The following CDC42SE2 variants were observed in gnomAD, a reference collection of about 807,000 sequenced individuals.
The protein encoded by CDC42SE2 is CDC42 small effector 2, also known as CDC42 small effector protein 2.
In CDC42SE2, 3 loss-of-function variants were observed where a neutral mutation model predicts 11.5. The ratio of observed to expected loss-of-function variants is 0.26; its 90% CI spans 0.12 to 0.67. The LOEUF is 0.67. CDC42SE2 is among the 30% of genes least tolerant of loss of function. CDC42SE2 has a pLI of 0.80. For missense variants in CDC42SE2, 82 were observed against 106.8 expected, an observed-to-expected ratio of 0.77 and a Z score of 1.02; for synonymous variants, 33 against 34.8, an observed-to-expected ratio of 0.95 and a Z score of 0.18.
chr5:131,375,922 A>G (rs1312506217), intron 3 of CDC42SE2, among the ~76,000 whole-genome samples: 1 of 152,116 alleles, frequency 6.6e-6, no homozygotes, highest in Non-Finnish European at 1.5e-5. Context: ...TAACATGAAT[A>G]TCCAGGACCT....
chr5:131,313,330 T>C (rs1194598283), intron 1 of CDC42SE2, among the ~76,000 whole-genome samples: 1 of 152,218 alleles, frequency 6.6e-6, no homozygotes, highest in Non-Finnish European at 1.5e-5. Context: ...CTGAGGCTTA[T>C]CTTTCATTCT....
chr5:131,308,627 G>C (rs1405146818), intron 1 of CDC42SE2, among the ~76,000 whole-genome samples: 1 of 150,740 alleles, frequency 6.6e-6, no homozygotes, highest in African/African-American at 2.4e-5. Flanking sequence ...TCCTTGAGCA[G>C]TGGTTTGTAG....
intron 1 of CDC42SE2, among the ~76,000 whole-genome samples, chr5:131,280,246 A>G (rs750091010): frequency 1.3e-5 from 2 of 152,204 alleles, no homozygotes; most frequent in South Asian, 4.1e-4. Flanking sequence ...ACTGTATTTA[A>G]TGTAGAACAT....
intron 1 of CDC42SE2, among the ~76,000 whole-genome samples, chr5:131,268,521 T>C (rs929268755): frequency 6.6e-6 from 1 of 151,070 alleles, no homozygotes; most frequent in Admixed American, 6.6e-5. Context: ...GGTACAATCT[T>C]GGCTCACTGC....
At chr5:131,333,565 C>G (rs1758475582) in intron 2 of CDC42SE2, among the ~76,000 whole-genome samples, 1 of 152,152 alleles carries the variant, frequency 6.6e-6, no homozygotes, top group African/African-American at 2.4e-5. Flanking sequence ...GGCAGTATGG[C>G]CATTTTCATG....
intron 2 of CDC42SE2, among the ~76,000 whole-genome samples, chr5:131,317,240 A>G (rs1017849511): frequency 3.9e-5 from 6 of 152,096 alleles, no homozygotes; most frequent in African/African-American, 1.4e-4. Flanking sequence ...ACTCCAGACA[A>G]TGTTGCCTTT....
At chr5:131,333,179 T>C (rs1474202754) in intron 2 of CDC42SE2, among the ~76,000 whole-genome samples, 2 of 152,228 alleles carry the variant, frequency 1.3e-5, no homozygotes, top group East Asian at 3.8e-4. Context: ...TTCAGCTTTC[T>C]ACGTATGGGT....
intron 2 of CDC42SE2, among the ~76,000 whole-genome samples, chr5:131,338,219 C>G (rs1411942147): frequency 1.3e-5 from 2 of 152,306 alleles, no homozygotes; most frequent in East Asian, 1.9e-4. Flanking sequence ...CAGTAGGCAC[C>G]TCTTGTTAAC....
chr5:131,291,599 A>G (rs1002896382), intron 1 of CDC42SE2, among the ~76,000 whole-genome samples: 9 of 152,154 alleles, frequency 5.9e-5, no homozygotes, highest in African/African-American at 2.2e-4. Flanking sequence ...AAATCTCCAA[A>G]TTATTGTTTT....
rs370423521 is a variant in CDC42SE2, at chr5:131,385,644, A to G, written c.156A>G (p.Ser52=). The change falls in exon 4 of 5, where the codon TCA becomes TCG. Residue 52 remains serine (S), a splice_region_variant and synonymous_variant. Transcript: ENST00000505065. ...GSGDLFSGMN[S]VSSIQNQMQS... Reference sequence around the variant, plus strand: ...GAGACCTGTTCAGTGGAATGAATTCAGTAAGTATGTTGGTGGGACATGCAG... The same window carrying G: ...GAGACCTGTTCAGTGGAATGAATTCGGTAAGTATGTTGGTGGGACATGCAG... The G allele has an allele frequency of 6.3e-7, 1 of 1,599,428 alleles. No homozygotes were observed. Among genetic ancestry groups the G allele is most frequent in the African/African-American group, 1.3e-5 (1 of 74,602 alleles).
At chr5:131,368,323 C>G (rs185438295) in intron 3 of CDC42SE2, among the ~76,000 whole-genome samples, 21 of 151,874 alleles carry the variant, frequency 1.4e-4, no homozygotes, top group African/African-American at 4.8e-4. Context: ...TCAGGCTTCC[C>G]TACATGCATG....
chr5:131,329,228 C>T (rs1003971996), intron 2 of CDC42SE2, among the ~76,000 whole-genome samples: 1 of 152,200 alleles, frequency 6.6e-6, no homozygotes, highest in Non-Finnish European at 1.5e-5. Flanking sequence ...TTTAGCATAT[C>T]TCTCTTTTAA....
chr5:131,355,229 C>T (rs1437920684), intron 2 of CDC42SE2, among the ~76,000 whole-genome samples: 1 of 152,036 alleles, frequency 6.6e-6, no homozygotes, highest in East Asian at 1.9e-4. Context: ...CATTTCAGAC[C>T]TGTGAAATGG....
intron 3 of CDC42SE2, among the ~76,000 whole-genome samples, chr5:131,378,614 G>A (rs555821921): frequency 6.6e-6 from 1 of 152,196 alleles, no homozygotes; most frequent in Non-Finnish European, 1.5e-5. Context: ...AAACAACTTA[G>A]TAAAGATTTA....
intron 1 of CDC42SE2, among the ~76,000 whole-genome samples, chr5:131,306,573 C>T (rs985274237): frequency 3.3e-5 from 5 of 151,996 alleles, no homozygotes; most frequent in East Asian, 1.9e-4. Flanking sequence ...GTCTGTTTGA[C>T]GTCTTTTGTG....
chr5:131,287,294 C>T (rs1757361612), intron 1 of CDC42SE2, among the ~76,000 whole-genome samples: 1 of 152,102 alleles, frequency 6.6e-6, no homozygotes, highest in Non-Finnish European at 1.5e-5. Flanking sequence ...CTCGCCCGGC[C>T]TTGGGTCAGC....
chr5:131,291,389 T>C (rs1304409176), intron 1 of CDC42SE2, among the ~76,000 whole-genome samples: 1 of 152,214 alleles, frequency 6.6e-6, no homozygotes, highest in Non-Finnish European at 1.5e-5. Context: ...GGCATTAATA[T>C]TGCTTTAGAA....
At position 131,286,021 on chromosome 5, in the gene CDC42SE2, CTG is replaced by C. The variant is rs150766299; in HGVS notation, c.-455+21857_-455+21858del. ...ACCTTGTTTGCATTTCCAATACTAA[CTG>C]TAAAGGAAAGTCTGGGAAATGTAGC... is the stretch of plus-strand genomic sequence containing the variant. On this transcript the variant is annotated intron_variant, in intron 1 of 4. Coordinates refer to ENST00000505065, the MANE Select transcript of CDC42SE2 (RefSeq NM_001375635.1). Among the ~76,000 whole-genome samples the C allele has an allele frequency of 2.1e-3, 311 of 150,820 alleles. 5 individuals are homozygous for C. In the East Asian group the frequency reaches 0.052, roughly 25 times the overall value.
the CDC42SE2 span, among the ~76,000 whole-genome samples, chr5:131,225,483 C>G: frequency 6.6e-6 from 1 of 152,166 alleles, no homozygotes; most frequent in African/African-American, 2.4e-5. Context: ...AATTACAAGG[C>G]AATTTGAATT....
Sources: allele counts gnomAD v4.1 joint callset (sites outside exome capture counted in the v4.1 genomes callset), GRCh38; gene constraint gnomAD v4.1.1; transcripts MANE v1.5; gene names NCBI Gene and HGNC (gene_info 2026-07-23, HGNC 2026-07-21).